Variants in RBKS observed in about 807,000 individuals in gnomAD.
RBKS encodes the protein ribokinase.
A neutral mutation model predicts 33.9 loss-of-function variants in RBKS; 33 were observed. The ratio of observed to expected loss-of-function variants is 0.97; its 90% CI spans 0.74 to 1.30. The LOEUF is 1.30. Ranked by LOEUF, RBKS falls within the 50% of genes most tolerant of loss-of-function variation. The pLI is 0.00. For synonymous variants in RBKS, 125 were observed against 143.0 expected (o/e 0.87, Z 0.90); for missense variants, 361 against 392.6 (o/e 0.92, Z 0.68).
intron 7 of RBKS, among the ~76,000 whole-genome samples, chr2:27,792,281 G>T (rs747004426): frequency 2.0e-5 from 3 of 152,150 alleles, no homozygotes; most frequent in Non-Finnish European, 4.4e-5. Flanking sequence ...GTGAATCTTG[G>T]CCTCACCACT....
chr2:27,889,341 C>T (rs182310071), intron 1 of RBKS, among the ~76,000 whole-genome samples: 7 of 152,198 alleles, frequency 4.6e-5, no homozygotes, highest in South Asian at 2.1e-4. Context: ...CATTTCAGGA[C>T]GAATGAGGTG....
intron 1 of RBKS, chr2:27,870,971 T>C (rs2148226270): frequency 4.5e-6 from 2 of 444,742 alleles, no homozygotes; most frequent in Non-Finnish European, 4.6e-6. Context: ...CGTATCACAG[T>C]GACTCATTAA....
chr2:27,861,654 A>G (rs1323956360), intron 1 of RBKS: 2 of 318,448 alleles, frequency 6.3e-6, no homozygotes, highest in Non-Finnish European at 1.2e-5. Flanking sequence ...AGTATGTTCC[A>G]TTTCTTTTTG....
At chr2:27,818,247 G>A (rs1030133958) in intron 7 of RBKS, among the ~76,000 whole-genome samples, 10 of 151,938 alleles carry the variant, frequency 6.6e-5, no homozygotes, top group Admixed American at 5.9e-4. Flanking sequence ...CAGGGTATAC[G>A]TGGATTATTT....
intron 5 of RBKS, among the ~76,000 whole-genome samples, chr2:27,838,988 G>GA (rs1663398154): frequency 6.6e-6 from 1 of 152,186 alleles, no homozygotes; most frequent in African/African-American, 2.4e-5. Flanking sequence ...GTCACGGAGG[G>GA]CAGGGGCTGG....
chr2:27,786,718 T>C (rs1677409918), intron 7 of RBKS, among the ~76,000 whole-genome samples: 1 of 150,486 alleles, frequency 6.6e-6, no homozygotes, highest in African/African-American at 2.5e-5. Context: ...GAGGTGGAGG[T>C]TGCAGTGAGC....
rs1447799459 is a variant in RBKS, at chr2:27,847,074, G to A, written c.317C>T (p.Thr106Ile). ...EFTYQTKDAA[T>I]GTASIIVNNE... ...ATTGACAATTATAGAAGCAGTTCCT[G>A]TAGCAGCATCTTTAGTCTGATATGT... Residue 106 changes from threonine to isoleucine, a missense_variant, in exon 4 of 8, where the codon ACA becomes ATA. Transcript: ENST00000302188. The A allele has an allele frequency of 1.2e-6, 2 of 1,606,442 alleles. No individual in the cohort carries two copies. The highest frequency in any genetic ancestry group is 1.7e-6 in the Non-Finnish European group (2 of 1,173,576).
At chr2:27,789,975 A>ATATG (rs1677489701) in intron 7 of RBKS, among the ~76,000 whole-genome samples, 1 of 131,784 alleles carries the variant, frequency 7.6e-6, no homozygotes, top group East Asian at 2.2e-4. Flanking sequence ...ATATATATGT[A>ATATG]TATATATATG....
At chr2:27,872,228 T>G (rs1664228132) in intron 1 of RBKS, among the ~76,000 whole-genome samples, 8 of 152,184 alleles carry the variant, frequency 5.3e-5, no homozygotes. Flanking sequence ...TGAAAAATAG[T>G]GTTCTAAAGA....
intron 7 of RBKS, among the ~76,000 whole-genome samples, chr2:27,784,367 G>T (rs1177315143): frequency 2.0e-5 from 3 of 152,172 alleles, no homozygotes; most frequent in Non-Finnish European, 4.4e-5. Context: ...CTATACCTCA[G>T]GCTTTTTAAA....
At chr2:27,886,822 TTAC>T (rs1471002954) in intron 1 of RBKS, among the ~76,000 whole-genome samples, 1 of 152,190 alleles carries the variant, frequency 6.6e-6, no homozygotes, top group Non-Finnish European at 1.5e-5. Flanking sequence ...AAGTAACCAC[TTAC>T]TGGCTGTGTG....
intron 4 of RBKS, among the ~76,000 whole-genome samples, chr2:27,843,955 A>G (rs557039081): frequency 6.6e-6 from 1 of 152,264 alleles, no homozygotes; most frequent in East Asian, 1.9e-4. Flanking sequence ...TGGCCATTGA[A>G]CATTTGAAAT....
chr2:27,827,777 AG>A, intron 6 of RBKS, 22 bp from the exon 7 acceptor site: 1 of 1,542,788 alleles, frequency 6.5e-7, no homozygotes, highest in East Asian at 2.4e-5. Flanking sequence ...AAAAGTCAAC[AG>A]AAACAGTGGT....
chr2:27,792,577 A>G (rs1046814633), intron 7 of RBKS, among the ~76,000 whole-genome samples: 1 of 152,214 alleles, frequency 6.6e-6, no homozygotes, highest in African/African-American at 2.4e-5. Context: ...CCTAAAATCA[A>G]TGAACAGAAC....
chr2:27,837,628 T>C lies in RBKS; in HGVS notation c.515-4851A>G, dbSNP rs1268630585. Among the ~76,000 whole-genome samples the C allele has an allele frequency of 1.3e-5, 2 of 152,172 alleles. No individual in the cohort carries two copies. Among genetic ancestry groups the C allele is most frequent in the African/African-American group, 2.4e-5 (1 of 41,440 alleles). ...AAGAAAATGTGGTACATATATACCA[T>C]GGAATACTATGTAGCCGTAAAAAGG... On this transcript the variant is annotated intron_variant, in intron 5 of 7. Transcript: ENST00000302188. This position sits in a 1 kb window ranked among gnomAD's most constrained non-coding sequence, Gnocchi z 4.0.
chr2:27,835,958 G>A (rs1678510023), intron 5 of RBKS, among the ~76,000 whole-genome samples: 1 of 152,048 alleles, frequency 6.6e-6, no homozygotes, highest in South Asian at 2.1e-4. Context: ...GCTCATGCCT[G>A]TAATCCTAGC....
intron 1 of RBKS, among the ~76,000 whole-genome samples, chr2:27,873,494 G>T (rs563089733): frequency 6.6e-6 from 1 of 152,188 alleles, no homozygotes; most frequent in Non-Finnish European, 1.5e-5. Context: ...TTTTCATTGA[G>T]ACAGCCTGAA....
intron 1 of RBKS, among the ~76,000 whole-genome samples, chr2:27,880,282 A>T (rs1417332786): frequency 6.6e-6 from 1 of 152,226 alleles, no homozygotes; most frequent in African/African-American, 2.4e-5. Flanking sequence ...TCAAAATAAT[A>T]AGAACCATCT....
intron 1 of RBKS, among the ~76,000 whole-genome samples, chr2:27,878,445 G>A (rs1259291551): frequency 1.3e-5 from 2 of 152,012 alleles, no homozygotes; most frequent in African/African-American, 4.8e-5. Context: ...GGACATTTGG[G>A]TTGGTTCCAA....
Sources: gnomAD v4.1 joint callset for allele counts (sites outside exome capture counted in the v4.1 genomes callset) on GRCh38, gnomAD v4.1.1 for gene constraint, Gnocchi (gnomAD v3.1) non-coding constraint, MANE v1.5 for transcripts, NCBI Gene and HGNC (gene_info 2026-07-23, HGNC 2026-07-21) for gene names.